Variants in SOX6 observed in about 807,000 individuals in gnomAD.
SOX6 encodes transcription factor SOX-6.
Under a neutral mutation model 97.8 loss-of-function variants are expected in SOX6, and 11 were observed. The observed-to-expected ratio is 0.11, with a 90% CI of 0.07 to 0.19. SOX6 has a LOEUF of 0.19. Ranked by LOEUF, SOX6 falls within the 10% of genes least tolerant of loss-of-function variation. The probability of loss-of-function intolerance (pLI) is 1.00; values close to 1 mark genes in which losing one functional copy is unlikely to be tolerated. For synonymous variants in SOX6, 360 were observed against 371.4 expected (o/e 0.97, Z 0.35); for missense variants, 810 against 1,039.5 (o/e 0.78, Z 3.04).
rs1736109740 is a variant in SOX6, at chr11:16,341,074, G to A, written c.175C>T (p.Leu59Phe). The A allele has an allele frequency of 3.1e-6, 5 of 1,613,418 alleles. No homozygotes were observed. Among genetic ancestry groups the A allele is most frequent in the Admixed American group, 1.7e-5 (1 of 59,950 alleles). ...GCATCTTGTTGAATGGTACTGACAA[G>A]TGTTGGTAGCTCCTCAGAGTGAGGT... ...NKPHSEELPT[L>F]VSTIQQDADW... is the part of the protein sequence containing the mutation. Residue 59 changes from leucine to phenylalanine, a missense_variant, in exon 2 of 16, where the codon CTT becomes TTT. Around this residue, in one of 9 missense-constraint regions of SOX6, gnomAD observed 100 missense variants for 94.6 expected, o/e 1.06. Coordinates refer to ENST00000683767, the MANE Select transcript of SOX6 (RefSeq NM_001367873.1).
intron 4 of SOX6, among the ~76,000 whole-genome samples, chr11:16,517,668 A>G (rs987504450): frequency 2.0e-5 from 3 of 152,184 alleles, no homozygotes; most frequent in African/African-American, 7.2e-5. Flanking sequence ...ACTTAAACCC[A>G]TGGCCACATC....
chr11:16,701,850 C>CACTCCACT (rs1848097107), intron 3 of SOX6, among the ~76,000 whole-genome samples: 1 of 151,338 alleles, frequency 6.6e-6, no homozygotes, highest in African/African-American at 2.4e-5. Flanking sequence ...GCCGAAATTG[C>CACTCCACT]GCCACTGCAC....
intron 3 of SOX6, among the ~76,000 whole-genome samples, chr11:16,296,926 C>T (rs1855112268): frequency 1.3e-5 from 2 of 151,984 alleles, no homozygotes; most frequent in South Asian, 4.1e-4. Context: ...TAAAAACACC[C>T]ATCAGGACAG....
chr11:16,600,454 T>C (rs1848255180), intron 4 of SOX6, among the ~76,000 whole-genome samples: 3 of 152,232 alleles, frequency 2.0e-5, no homozygotes, highest in Admixed American at 6.5e-5. Context: ...ACTGCTTCTC[T>C]GAGGTTTTAG....
intron 4 of SOX6, among the ~76,000 whole-genome samples, chr11:16,490,714 C>T (rs1160101404): frequency 1.3e-5 from 2 of 151,946 alleles, no homozygotes; most frequent in African/African-American, 4.8e-5. Flanking sequence ...TTTAGCTAAG[C>T]TTGCCAGAAG....
At chr11:16,159,835 G>A (rs958926104) in intron 6 of SOX6, among the ~76,000 whole-genome samples, 1 of 152,120 alleles carries the variant, frequency 6.6e-6, no homozygotes, top group Non-Finnish European at 1.5e-5. Flanking sequence ...TTAGGTAGGT[G>A]AAACTTCATT....
intron 4 of SOX6, among the ~76,000 whole-genome samples, chr11:16,496,850 G>T (rs541966802): frequency 6.6e-6 from 1 of 152,328 alleles, no homozygotes; most frequent in South Asian, 2.1e-4. Context: ...CCCACCGCAG[G>T]TCAAGGAGGC....
At chr11:16,435,755 G>GA (rs568175341) in intron 1 of SOX6, among the ~76,000 whole-genome samples, 84 of 143,790 alleles carry the variant, frequency 5.8e-4, no homozygotes, top group East Asian at 2.4e-3. Flanking sequence ...TTCAAATTGG[G>GA]AAAAAAAAAA....
rs184689029 is a variant in SOX6, at chr11:16,680,172, T to C, written n.429+34658A>G. Among the ~76,000 whole-genome samples the C allele has an allele frequency of 2.8e-3, 425 of 152,062 alleles. 1 individual carries two copies. The highest frequency in any genetic ancestry group is 4.4e-3 in the Non-Finnish European group (299 of 67,980). ...CACATAATTTTCAGATTCACCAAGG[T>C]TGAAATGAAGGAAAAAATGTTAAGG... On this transcript the variant is annotated intron_variant and non_coding_transcript_variant, in intron 3 of 5. Transcript: ENST00000524520.
intron 3 of SOX6, among the ~76,000 whole-genome samples, chr11:16,678,363 T>A (rs1847900776): frequency 6.6e-6 from 1 of 152,216 alleles, no homozygotes; most frequent in Non-Finnish European, 1.5e-5. Flanking sequence ...TTCTTTCCAT[T>A]TAAATTGACC....
At chr11:15,975,780 T>G (rs1223109306) in intron 15 of SOX6, among the ~76,000 whole-genome samples, 2 of 152,104 alleles carry the variant, frequency 1.3e-5, no homozygotes, top group Non-Finnish European at 2.9e-5. Flanking sequence ...GTGTCACAAA[T>G]TCCCTAGCAC....
intron 9 of SOX6, among the ~76,000 whole-genome samples, chr11:16,094,411 CACA>C (rs2133971850): frequency 6.6e-6 from 1 of 151,888 alleles, no homozygotes; most frequent in South Asian, 2.1e-4. Context: ...TGGGATAGAA[CACA>C]ACACTTCAAC....
chr11:16,540,645 G>A (rs1011280263), intron 4 of SOX6, among the ~76,000 whole-genome samples: 16 of 152,102 alleles, frequency 1.1e-4, no homozygotes, highest in African/African-American at 3.6e-4. Flanking sequence ...AAATCAATGT[G>A]CAAAAATCAC....
intron 13 of SOX6, among the ~76,000 whole-genome samples, chr11:15,998,684 C>T (rs936986582): frequency 3.3e-5 from 5 of 151,944 alleles, no homozygotes; most frequent in South Asian, 2.1e-4. Context: ...AAGTGGAAAA[C>T]GATAGTTTTT....
intron 13 of SOX6, among the ~76,000 whole-genome samples, chr11:16,009,505 A>C (rs764075840): frequency 3.9e-5 from 6 of 152,096 alleles, no homozygotes; most frequent in Non-Finnish European, 7.4e-5. Context: ...GACTAGAACC[A>C]ATGAGTAGAA....
intron 12 of SOX6, among the ~76,000 whole-genome samples, chr11:16,015,636 G>A (rs987922232): frequency 6.6e-6 from 1 of 152,020 alleles, no homozygotes; most frequent in Non-Finnish European, 1.5e-5. Flanking sequence ...ATGGAGCCAG[G>A]AAAGTTAAAT....
At chr11:16,712,785 T>C (rs1305433649) in intron 3 of SOX6, among the ~76,000 whole-genome samples, 1 of 152,222 alleles carries the variant, frequency 6.6e-6, no homozygotes, top group African/African-American at 2.4e-5. Context: ...GTTGTCTTTT[T>C]ATTGTCTACC....
intron 6 of SOX6, among the ~76,000 whole-genome samples, chr11:16,151,231 G>T (rs774356352): frequency 6.6e-6 from 1 of 152,028 alleles, no homozygotes; most frequent in Non-Finnish European, 1.5e-5. Flanking sequence ...AGAAGTTCTA[G>T]GTTTCAAGTA....
At chr11:16,097,816 A>G in intron 7 of SOX6, 128 bp from the exon 8 acceptor site, 1 of 892,224 alleles carries the variant, frequency 1.1e-6, no homozygotes, top group Non-Finnish European at 1.9e-6. Context: ...CTGCAGAAAC[A>G]AAAGGCTTAG....
Sources: gnomAD v4.1 joint callset for allele counts (sites outside exome capture counted in the v4.1 genomes callset) on GRCh38, gnomAD v4.1.1 for gene constraint, gnomAD v4.1.1 regional missense constraint, MANE v1.5 for transcripts, NCBI Gene and HGNC (gene_info 2026-07-23, HGNC 2026-07-21) for gene names.